Variants in ZYX observed in about 807,000 individuals in gnomAD.
ZYX encodes the protein zyxin.
In ZYX, 37 loss-of-function variants were observed where a neutral mutation model predicts 58.1. The ratio of observed to expected loss-of-function variants is 0.64; its 90% CI spans 0.49 to 0.84. The LOEUF (loss-of-function observed/expected upper bound fraction) is 0.84. Among genes scored for constraint, ZYX ranks in the 40% least tolerant of loss-of-function variants. ZYX has a pLI of 0.00. For synonymous variants in ZYX, 324 were observed against 321.1 expected (o/e 1.01, Z -0.10); for missense variants, 762 against 761.6 (o/e 1.00, Z -0.01).
rs1805018226 is a variant in ZYX at position 143,390,148 on chromosome 7, C to T, written c.1614+171C>T. On this transcript the variant is annotated intron_variant, in intron 9 of 9. Coordinates refer to ENST00000322764, the MANE Select transcript of ZYX (RefSeq NM_003461.5). The surrounding 1 kb of genome is among the most constrained non-coding windows in gnomAD (Gnocchi z 4.3). ...CCTGCCAGAATGCTTCCTGCCACTGCAGGAAATGGGGCTGTGGGGCTTCTG... is the reference window on the plus strand; with the variant it reads ...CCTGCCAGAATGCTTCCTGCCACTGTAGGAAATGGGGCTGTGGGGCTTCTG... 3 of 914,310 alleles carry T rather than the reference C, an allele frequency of 3.3e-6. No homozygotes were observed. Among genetic ancestry groups the T allele is most frequent in the Non-Finnish European group, 4.9e-6 (3 of 616,768 alleles). 56.6% of individuals were successfully genotyped at this position (914,310 alleles called of 1,614,324 possible).
chr7:143,385,622 T>C (rs1369048699), intron 5 of ZYX, among the ~76,000 whole-genome samples: 3 of 150,668 alleles, frequency 2.0e-5, no homozygotes, highest in African/African-American at 7.3e-5. Context: ...TATGTGTATA[T>C]ATGTGAGTGG....
Position 143,390,069 on chromosome 7 carries a change from T to A in ZYX, c.1614+92T>A. 6.4e-7 allele frequency: 1 copy of A among 1,553,614 alleles called. No individual in the cohort carries two copies. Among genetic ancestry groups the A allele is most frequent in the Non-Finnish European group, 8.8e-7 (1 of 1,140,608 alleles). On this transcript the variant is annotated intron_variant, in intron 9 of 9. Transcript: ENST00000322764. The surrounding 1 kb of genome is among the most constrained non-coding windows in gnomAD (Gnocchi z 4.3). ...AACTGGGAGGTGGAAAGCACCAGCA[T>A]TCAGGAAACAGGGCTGTGATTTTGA...
chr7:143,385,297 G>A (rs1476665432), intron 5 of ZYX, among the ~76,000 whole-genome samples: 2 of 152,078 alleles, frequency 1.3e-5, no homozygotes, highest in Non-Finnish European at 2.9e-5. Flanking sequence ...AAGGACTAAG[G>A]GAAGGACTGT....
At chr7:143,385,223 A>C (rs908138484) in intron 5 of ZYX, among the ~76,000 whole-genome samples, 2 of 152,078 alleles carry the variant, frequency 1.3e-5, no homozygotes, top group African/African-American at 4.8e-5. Context: ...GTGGGAACAC[A>C]ATGTGAGGAG....
intron 2 of ZYX, 114 bp from the exon 3 acceptor site, chr7:143,382,134 C>G (rs1201069009): frequency 3.3e-6 from 3 of 913,790 alleles, no homozygotes; most frequent in African/African-American, 3.4e-5. Context: ...CTTCCCCACA[C>G]GCTCTGGGAC....
chr7:143,390,083 C>T lies in ZYX; in HGVS notation c.1614+106C>T, dbSNP rs1805015110. The T allele has an allele frequency of 1.3e-6, 2 of 1,514,652 alleles. No individual in the cohort carries two copies. The highest frequency in any genetic ancestry group is 1.8e-6 in the Non-Finnish European group (2 of 1,114,972). The allele number at this position is 1,514,652 out of a possible 1,614,324, so 93.8% of individuals were successfully genotyped here. A position where few individuals can be genotyped will look rare whatever the true frequency, so the allele number is the denominator to read the frequency against. ...AAGCACCAGCATTCAGGAAACAGGG[C>T]TGTGATTTTGAGGGTGGCTCATGGT... On this transcript the variant is annotated intron_variant, in intron 9 of 9. Transcript: ENST00000322764. The surrounding 1 kb of genome is among the most constrained non-coding windows in gnomAD (Gnocchi z 4.3).
In ZYX at chr7:143,381,393, G is replaced by C; in HGVS notation, c.-32G>C. 5.0e-6 allele frequency: 6 copies of C among 1,188,266 alleles called. No homozygotes were observed. Among genetic ancestry groups the C allele is most frequent in the Non-Finnish European group, 6.3e-6 (6 of 958,328 alleles). 73.6% of individuals were successfully genotyped at this position (1,188,266 alleles called of 1,614,324 possible). ...GAGGCGGCCACCCGAGACGCGGCGC[G>C]CACGCTCCGGCCTGCGGTGAGGCGC... On this transcript the variant is annotated 5_prime_UTR_variant, in exon 1 of 10. Coordinates refer to ENST00000322764, the MANE Select transcript of ZYX (RefSeq NM_003461.5).
At position 143,381,586 on chromosome 7, in the gene ZYX, C is replaced by T. The variant is rs767025671; in HGVS notation, c.15C>T (p.Arg5=). 4.3e-6 allele frequency: 7 copies of T among 1,610,602 alleles called. No homozygotes were observed. The African/African-American group carries it at 9.3e-5, about 22-fold the overall frequency. Residue 5 remains arginine, a synonymous_variant, in exon 2 of 10, where the codon CGC becomes CGT. Coordinates refer to ENST00000322764, the MANE Select transcript of ZYX (RefSeq NM_003461.5). Reference sequence around the variant, plus strand: ...CCGGCCCGGCCATGGCGGCCCCCCGCCCGTCTCCCGCGATCTCCGTTTCGG... The same window carrying T: ...CCGGCCCGGCCATGGCGGCCCCCCGTCCGTCTCCCGCGATCTCCGTTTCGG... MAAP[R]PSPAISVSVS... is the part of the protein sequence containing the mutation.
In ZYX at chr7:143,381,714, C is replaced by T. The variant is rs758745285; in HGVS notation, c.143C>T (p.Pro48Leu). Residue 48 changes from proline (P) to leucine (L), a missense_variant, in exon 2 of 10, where the codon CCG (proline) becomes CTG (leucine). Transcript: ENST00000322764. ...PFRPGDSEPPPAPGAQRAQMG... is the reference protein window; with the variant it reads ...PFRPGDSEPPLAPGAQRAQMG... ...CGGCCCGGGGACAGCGAGCCTCCCCCGGCACCCGGGGCCCAGCGCGCACAG... is the reference window on the plus strand; with the variant it reads ...CGGCCCGGGGACAGCGAGCCTCCCCTGGCACCCGGGGCCCAGCGCGCACAG... 35 of 1,602,588 alleles carry T rather than the reference C, an allele frequency of 2.2e-5. No individual in the cohort carries two copies. Among genetic ancestry groups the T allele is most frequent in the Non-Finnish European group, 3.0e-5 (35 of 1,175,242 alleles).
In ZYX at chr7:143,382,264, AC is replaced by A; in HGVS notation, c.227del (p.Pro76LeufsTer66). ...CTACCCCAGACTTTCCCCTGCCTCC[AC>A]CTCCCCTTGCTGGGGATGGCGACGA... ...PPPEDFPLPPPPLAGDGDDAE... is the reference protein window; with the variant it reads ...PPPEDFPLPPXPLAGDGDDAE... On this transcript the variant is annotated frameshift_variant, in exon 3 of 10. Transcript: ENST00000322764. LOFTEE classifies it high-confidence loss of function. 1 of 1,611,474 alleles carries A rather than the reference AC, an allele frequency of 6.2e-7. No homozygotes were observed. The highest frequency in any genetic ancestry group is 8.5e-7 in the Non-Finnish European group (1 of 1,179,190).
chr7:143,381,590 T>C lies in ZYX; in HGVS notation c.19T>C (p.Ser7Pro), dbSNP rs1446742124. The C allele has an allele frequency of 6.2e-7, 1 of 1,610,630 alleles. No individual in the cohort carries two copies. Among genetic ancestry groups the C allele is most frequent in the Non-Finnish European group, 8.5e-7 (1 of 1,178,886 alleles). Residue 7 changes from serine (S) to proline (P), a missense_variant, in exon 2 of 10, where the codon TCT becomes CCT. Ser to Pro is a moderately conservative substitution (Grantham distance 74, BLOSUM62 -1). Transcript: ENST00000322764. ...CCCGGCCATGGCGGCCCCCCGCCCG[T>C]CTCCCGCGATCTCCGTTTCGGTCTC... is the stretch of plus-strand genomic sequence containing the variant. MAAPRP[S>P]PAISVSVSAP...
In ZYX at chr7:143,388,004, A is replaced by AC; in HGVS notation, c.1024-214dup. 1 of 617,196 alleles carries AC rather than the reference A, an allele frequency of 1.6e-6. No homozygotes were observed. The highest frequency in any genetic ancestry group is 4.4e-4 in the Middle Eastern group (1 of 2,264). 38.2% of individuals were successfully genotyped at this position (617,196 alleles called of 1,614,324 possible). Reference sequence around the variant, plus strand: ...AGAGTGGGTGGAAATGTCTTGCTGTACGAGATCCAGGCTTAGGTCCCTTCC... The same window carrying AC: ...AGAGTGGGTGGAAATGTCTTGCTGTACCGAGATCCAGGCTTAGGTCCCTTCC... On this transcript the variant is annotated intron_variant, in intron 5 of 9. Coordinates refer to ENST00000322764, the MANE Select transcript of ZYX (RefSeq NM_003461.5). This position sits in a 1 kb window ranked among gnomAD's most constrained non-coding sequence, Gnocchi z 7.5.
chr7:143,388,693 G>T lies in ZYX; in HGVS notation c.1314+35G>T, dbSNP rs1308321425. 2 of 1,611,522 alleles carry T rather than the reference G, an allele frequency of 1.2e-6. No individual in the cohort carries two copies. Among genetic ancestry groups the T allele is most frequent in the African/African-American group, 2.7e-5 (2 of 74,832 alleles). ...GCTGTGCTGGGCTGTGCTGGGCTGT[G>T]CTGGGCAGTCGGGCCCTGGAAGCTT... On this transcript the variant is annotated intron_variant, in intron 7 of 9. Transcript: ENST00000322764. This position sits in a 1 kb window ranked among gnomAD's most constrained non-coding sequence, Gnocchi z 7.5.
At position 143,385,660 on chromosome 7, in the gene ZYX, C is replaced by CTTTTT. The variant is rs59995035; in HGVS notation, c.1023+2360_1023+2364dup. ...TGTGTGAGCGTGTGGTGTGGTATAT[C>CTTTTT]TTTTTTTTTTTTTTTTTTTTTTTTT... On this transcript the variant is annotated intron_variant, in intron 5 of 9. Transcript: ENST00000322764. Among the ~76,000 whole-genome samples, 92 of 68,966 alleles carry CTTTTT rather than the reference C, an allele frequency of 1.3e-3. 4 individuals carry two copies. Among genetic ancestry groups the CTTTTT allele is most frequent in the African/African-American group, 2.4e-3 (42 of 17,394 alleles). 45.2% of individuals were successfully genotyped at this position (68,966 alleles called of 152,430 possible). A position where few individuals can be genotyped will look rare whatever the true frequency, so the allele number is the denominator to read the frequency against.
rs573192354 is a variant in ZYX, at chr7:143,390,190, T to G, written c.1614+213T>G. 6 of 625,640 alleles carry G rather than the reference T, an allele frequency of 9.6e-6. No homozygotes were observed. The highest frequency in any genetic ancestry group is 1.6e-5 in the Non-Finnish European group (6 of 368,960). The allele number at this position is 625,640 out of a possible 1,614,324, so 38.8% of individuals were successfully genotyped here. On this transcript the variant is annotated intron_variant, in intron 9 of 9. Transcript: ENST00000322764. The surrounding 1 kb of genome is among the most constrained non-coding windows in gnomAD (Gnocchi z 4.3). ...GGGCTTCTGAGGTCACTTTGAGTCA[T>G]GGATAAGCCAAGAAATGGGACAAGC...
chr7:143,385,522 ATG>A (rs1290992087), intron 5 of ZYX, among the ~76,000 whole-genome samples: 4 of 151,850 alleles, frequency 2.6e-5, no homozygotes, highest in South Asian at 2.1e-4. Context: ...AGGTGTGTGC[ATG>A]TGTGAGTGTG....
rs1452854005 is a variant in ZYX, at chr7:143,384,294, A to G, written c.1023+972A>G. The stretch of plus-strand genomic sequence containing the variant: ...GGGAGTCAACTCGGGGAGTCAAATT[A>G]GGAAAGGCTTCGAAGGATGGGCAGG... On this transcript the variant is annotated intron_variant, in intron 5 of 9. Coordinates refer to ENST00000322764, the MANE Select transcript of ZYX (RefSeq NM_003461.5). This position sits in a 1 kb window ranked among gnomAD's most constrained non-coding sequence, Gnocchi z 4.9. The G allele has an allele frequency of 6.4e-6, 3 of 470,742 alleles. No homozygotes were observed. Among genetic ancestry groups the G allele is most frequent in the African/African-American group, 6.0e-5 (3 of 50,046 alleles). The allele number at this position is 470,742 out of a possible 1,614,324, so 29.2% of individuals were successfully genotyped here.
Position 143,383,287 on chromosome 7 carries a change from C to A in ZYX, c.988C>A (p.His330Asn), listed in dbSNP as rs202187082. The stretch of plus-strand genomic sequence containing the variant: ...GAAGCCCCGAGTGCAGGAGAAGCAG[C>A]ACCCCGTGCCCCCACCGGCTCAGAA... ...REKPRVQEKQ[H>N]PVPPPAQNQN... Residue 330 changes from histidine to asparagine, a missense_variant, in exon 5 of 10, where the codon CAC becomes AAC. Transcript: ENST00000322764. The A allele has an allele frequency of 5.0e-6, 8 of 1,611,764 alleles. No homozygotes were observed. Among genetic ancestry groups the A allele is most frequent in the Non-Finnish European group, 5.9e-6 (7 of 1,179,348 alleles).
At position 143,390,167 on chromosome 7, in the gene ZYX, G is replaced by T. The variant is rs554852661; in HGVS notation, c.1614+190G>T. 21 of 747,008 alleles carry T rather than the reference G, an allele frequency of 2.8e-5. No individual in the cohort carries two copies. The African/African-American group carries it at 3.5e-4, about 13-fold the overall frequency. 46.3% of individuals were successfully genotyped at this position (747,008 alleles called of 1,614,324 possible). On this transcript the variant is annotated intron_variant, in intron 9 of 9. Transcript: ENST00000322764. The surrounding 1 kb of genome is among the most constrained non-coding windows in gnomAD (Gnocchi z 4.3). Reference sequence around the variant, plus strand: ...CCACTGCAGGAAATGGGGCTGTGGGGCTTCTGAGGTCACTTTGAGTCATGG... The same window carrying T: ...CCACTGCAGGAAATGGGGCTGTGGGTCTTCTGAGGTCACTTTGAGTCATGG...
Sources: gnomAD v4.1 joint callset for allele counts (sites outside exome capture counted in the v4.1 genomes callset) on GRCh38, gnomAD v4.1.1 for gene constraint, Gnocchi (gnomAD v3.1) non-coding constraint, MANE v1.5 for transcripts, NCBI Gene and HGNC (gene_info 2026-07-23, HGNC 2026-07-21) for gene names.